The following RBM26 variants were observed in gnomAD, a reference collection of about 807,000 sequenced individuals.
The protein encoded by RBM26 is RNA binding motif protein 26, also known as RNA-binding protein 26.
RBM26 carries 30 observed loss-of-function variants against 123.6 expected under a neutral mutation model. The ratio of observed to expected loss-of-function variants is 0.24; its 90% confidence interval spans 0.18 to 0.33. The LOEUF is 0.33. Ranked by LOEUF, RBM26 falls within the 10% of genes least tolerant of loss-of-function variation. RBM26 has a pLI of 1.00. For synonymous variants in RBM26, 400 were observed against 404.4 expected (o/e 0.99, Z 0.13); for missense variants, 947 against 1,203.6 (o/e 0.79, Z 3.15).
At chr13:79,314,914 G>GT (rs1343723682), downstream of RBM26, 18 of 1,060,440 alleles carry the variant, frequency 1.7e-5, no homozygotes, top group Non-Finnish European at 2.1e-5. Flanking sequence ...TGATATTATT[G>GT]TAACAGTCGT....
chr13:79,316,988 T>A (rs533346607), downstream of RBM26, among the ~76,000 whole-genome samples: 37 of 151,586 alleles, frequency 2.4e-4, 1 homozygote, highest in East Asian at 1.9e-3. Flanking sequence ...TTGTTTTTTT[T>A]TTAAAAAAGA....
In RBM26 at chr13:79,377,333, T is replaced by G. The variant is rs758890336; in HGVS notation, c.327+46A>C. ...GATAAAAACTCAGTTTGGTTATTCC[T>G]CTTATGTGTTTAAATAACCTGTAAG... On this transcript the variant is annotated intron_variant, in intron 3 of 21. Transcript: ENST00000438737. 6 of 1,542,854 alleles carry G rather than the reference T, an allele frequency of 3.9e-6. 1 individual carries two copies. In the South Asian group the frequency reaches 6.7e-5, roughly 17 times the overall value.
At chr13:79,316,542 C>A (rs148346927), downstream of RBM26, among the ~76,000 whole-genome samples, 29 of 151,864 alleles carry the variant, frequency 1.9e-4, no homozygotes, top group African/African-American at 6.3e-4. Flanking sequence ...ACAGTGAAGT[C>A]CTGTCTTTAA....
chr13:79,371,732 TAA>T, intron 4 of RBM26, 108 bp downstream of exon 4: 1 of 725,524 alleles, frequency 1.4e-6, no homozygotes, highest in South Asian at 1.7e-5. Flanking sequence ...CCTAGACCAA[TAA>T]AAGAGTAGAT....
At chr13:79,329,345 ATATG>A (rs1223898933) in intron 20 of RBM26, among the ~76,000 whole-genome samples, 5 of 152,000 alleles carry the variant, frequency 3.3e-5, no homozygotes, top group African/African-American at 1.2e-4. Context: ...ACATATATAT[ATATG>A]TATGTTTTTT....
Position 79,366,684 on chromosome 13 carries a change from G to T in RBM26, c.1084C>A (p.Pro362Thr). The change falls in exon 7 of 22, where the codon CCC becomes ACC. Residue 362 changes from proline (P) to threonine (T), a missense_variant. Transcript: ENST00000438737. ...AATGGACCTGGCGGTGGTACTGGGG[G>T]CCTGAGATTCACAGGTGGGGGTGTA... ...ILTPPPVNLRPPVPPPGPLPP... is the reference protein window; with the variant it reads ...ILTPPPVNLRTPVPPPGPLPP... The T allele has an allele frequency of 6.2e-7, 1 of 1,602,438 alleles. No individual in the cohort carries two copies. Among genetic ancestry groups the T allele is most frequent in the Middle Eastern group, 1.7e-4 (1 of 6,000 alleles).
intron 1 of RBM26, among the ~76,000 whole-genome samples, chr13:79,390,081 A>T (rs1245583722): frequency 6.6e-6 from 1 of 152,188 alleles, no homozygotes; most frequent in African/African-American, 2.4e-5. Flanking sequence ...AAGTTTATAT[A>T]TGAGAATCAG....
At chr13:79,368,442 G>T (rs1594400726) in intron 6 of RBM26, among the ~76,000 whole-genome samples, 1 of 152,142 alleles carries the variant, frequency 6.6e-6, no homozygotes, top group African/African-American at 2.4e-5. Flanking sequence ...TGTCAATAAT[G>T]TTTCAGTAGC....
At chr13:79,376,131 T>TAA (rs2076648577) in intron 3 of RBM26, 1 of 152,126 alleles carries the variant, frequency 6.6e-6, no homozygotes, top group African/African-American at 2.4e-5. Context: ...ATGTGTGACC[T>TAA]AAAGCTAGGG....
At chr13:79,346,225 G>T (rs2072303077) in intron 14 of RBM26, among the ~76,000 whole-genome samples, 1 of 152,130 alleles carries the variant, frequency 6.6e-6, no homozygotes, top group Non-Finnish European at 1.5e-5. Flanking sequence ...TCTGATTAGG[G>T]AACATCACAA....
chr13:79,320,762 GA>G (rs759037722), intron 21 of RBM26, 52 bp from the exon 22 acceptor site: 51 of 1,298,796 alleles, frequency 3.9e-5, no homozygotes, highest in Admixed American at 5.6e-5. Context: ...AAAAAGAAAA[GA>G]AAAAAAAGGT....
chr13:79,344,102 T>G, intron 16 of RBM26, 146 bp downstream of exon 16: 1 of 680,094 alleles, frequency 1.5e-6, no homozygotes, highest in Non-Finnish European at 2.7e-6. Context: ...TGATGTATGC[T>G]CTTCATCTCC....
chr13:79,323,260 A>G (rs924687386), intron 20 of RBM26, among the ~76,000 whole-genome samples: 2 of 151,596 alleles, frequency 1.3e-5, no homozygotes, highest in Non-Finnish European at 3.0e-5. Flanking sequence ...TTATACTCAC[A>G]CAAGATTTAT....
chr13:79,362,020 A>C (rs1001670447), intron 9 of RBM26, among the ~76,000 whole-genome samples: 1 of 152,140 alleles, frequency 6.6e-6, no homozygotes, highest in Non-Finnish European at 1.5e-5. Flanking sequence ...GGGACAGAAG[A>C]AAAGATTAAG....
intron 10 of RBM26, among the ~76,000 whole-genome samples, chr13:79,359,182 C>G (rs2074372959): frequency 6.6e-6 from 1 of 152,132 alleles, no homozygotes; most frequent in African/African-American, 2.4e-5. Context: ...CACAAAAGCC[C>G]TTTCTAGCTC....
rs566016310 is a variant in RBM26, at chr13:79,373,401, T to A, written c.328-1471A>T. Among the ~76,000 whole-genome samples the A allele has an allele frequency of 2.7e-5, 2 of 74,052 alleles. 1 individual carries two copies. The highest frequency in any genetic ancestry group is 4.6e-5 in the Non-Finnish European group (2 of 43,138). The allele number at this position is 74,052 out of a possible 152,430, so 48.6% of individuals were successfully genotyped here. A position where few individuals can be genotyped will look rare whatever the true frequency, so the allele number is the denominator to read the frequency against. Reference sequence around the variant, plus strand: ...ATTATATATAAATATATATAATATATATTATATACTATATATAAATAAAAT... The same window carrying A: ...ATTATATATAAATATATATAATATAAATTATATACTATATATAAATAAAAT... On this transcript the variant is annotated intron_variant, in intron 3 of 21. Coordinates refer to ENST00000438737, the MANE Select transcript of RBM26 (RefSeq NM_001366735.2).
chr13:79,386,650 T>C (rs1594634858), intron 1 of RBM26, among the ~76,000 whole-genome samples: 1 of 129,760 alleles, frequency 7.7e-6, no homozygotes, highest in Non-Finnish European at 1.7e-5. Flanking sequence ...CTAACCTTCA[T>C]ATTTAGGGTT....
intron 13 of RBM26, 104 bp from the exon 14 acceptor site, chr13:79,353,328 T>C: frequency 1.7e-6 from 1 of 582,582 alleles, no homozygotes; most frequent in Non-Finnish European, 2.9e-6. Context: ...AGTCTATGAG[T>C]ATACCAATAC....
chr13:79,322,256 GT>G (rs1455110821), intron 21 of RBM26, 92 bp downstream of exon 21: 2 of 789,430 alleles, frequency 2.5e-6, no homozygotes, highest in African/African-American at 3.7e-5. Context: ...AGGAATAAAA[GT>G]TTTATGTTAA....
Sources: gnomAD v4.1 joint callset for allele counts (sites outside exome capture counted in the v4.1 genomes callset) on GRCh38, gnomAD v4.1.1 for gene constraint, MANE v1.5 for transcripts, NCBI Gene and HGNC (gene_info 2026-07-23, HGNC 2026-07-21) for gene names.